Variants in CNIH3 observed in about 807,000 individuals in gnomAD.
The protein encoded by CNIH3 is cornichon family AMPA receptor auxiliary protein 3, also known as protein cornichon homolog 3.
In CNIH3, 14 loss-of-function variants were observed where a neutral mutation model predicts 24.1. The observed-to-expected ratio is 0.58, with a 90% CI of 0.38 to 0.91. The LOEUF (loss-of-function observed/expected upper bound fraction) is 0.91. Among genes scored for constraint, CNIH3 ranks in the 40% least tolerant of loss-of-function variants. CNIH3 has a pLI of 0.00. For missense variants in CNIH3, 178 were observed against 196.8 expected, an observed-to-expected ratio of 0.90 and a Z score of 0.57; for synonymous variants, 68 against 73.8, an observed-to-expected ratio of 0.92 and a Z score of 0.40.
intron 1 of CNIH3, among the ~76,000 whole-genome samples, chr1:224,503,112 AC>A (rs2124875703): frequency 6.6e-6 from 1 of 152,210 alleles, no homozygotes; most frequent in East Asian, 1.9e-4. Flanking sequence ...TGAAGTCACC[AC>A]CTTTTTGGGA....
chr1:224,597,371 C>T (rs538926318), intron 3 of CNIH3, among the ~76,000 whole-genome samples: 20 of 152,248 alleles, frequency 1.3e-4, no homozygotes, highest in South Asian at 2.1e-4. Flanking sequence ...CAGAAGGGGT[C>T]CCAAACCCTG....
intron 3 of CNIH3, among the ~76,000 whole-genome samples, chr1:224,694,080 G>T (rs1022799775): frequency 1.3e-5 from 2 of 152,254 alleles, no homozygotes; most frequent in African/African-American, 4.8e-5. Flanking sequence ...TGGATCTGTG[G>T]AGGAGGAGAG....
At chr1:224,727,278 AAAC>A (rs145451304) in intron 3 of CNIH3, among the ~76,000 whole-genome samples, 1,788 of 152,152 alleles carry the variant, frequency 0.012, 13 homozygotes, top group South Asian at 0.03. Context: ...TGCTATGGCA[AAAC>A]AACAACAACA....
downstream of CNIH3, among the ~76,000 whole-genome samples, chr1:224,538,560 A>G (rs1387510959): frequency 6.6e-6 from 1 of 151,736 alleles, no homozygotes; most frequent in Non-Finnish European, 1.5e-5. Context: ...CCAGTACCCC[A>G]TCCTTTAGCT....
At chr1:224,571,590 T>C (rs1680820325) in intron 4 of CNIH3, among the ~76,000 whole-genome samples, 1 of 152,078 alleles carries the variant, frequency 6.6e-6, no homozygotes, top group Non-Finnish European at 1.5e-5. Context: ...CCGGGCATGG[T>C]GCTGGGCGCC....
intron 3 of CNIH3, among the ~76,000 whole-genome samples, chr1:224,728,256 T>C (rs1471641200): frequency 6.6e-6 from 1 of 152,232 alleles, no homozygotes; most frequent in Non-Finnish European, 1.5e-5. Flanking sequence ...CTCCCGGGGC[T>C]GGCGCACCCA....
rs778355342 is a variant in CNIH3, at chr1:224,481,349, G to T, written n.204-34392G>T. 1.6e-4 allele frequency among the ~76,000 whole-genome samples: 25 copies of T among 152,292 alleles called. 1 individual carries two copies. The highest frequency in any genetic ancestry group is 3.2e-4 in the Non-Finnish European group (22 of 68,026). ...CACTGAAGAGTTAGCTATTTATTGT[G>T]ATCTTTGCAGTCTGGGCTTGTTTGT... is the stretch of plus-strand genomic sequence containing the variant. On this transcript the variant is annotated intron_variant and non_coding_transcript_variant, in intron 1 of 5. Coordinates refer to the CNIH3 transcript ENST00000471578.
In CNIH3 at chr1:224,739,543, G is replaced by A; in HGVS notation, c.*187G>A. On this transcript the variant is annotated 3_prime_UTR_variant, in exon 6 of 6. Coordinates refer to ENST00000272133, the MANE Select transcript of CNIH3 (RefSeq NM_152495.2). ...GGAGCCGAGTTAACCCTGCGTGTCTGTGTCACCCTGTTTGTCAATCTTTGG... is the reference window on the plus strand; with the variant it reads ...GGAGCCGAGTTAACCCTGCGTGTCTATGTCACCCTGTTTGTCAATCTTTGG... 1 of 1,048,766 alleles carries A rather than the reference G, an allele frequency of 9.5e-7. No homozygotes were observed. Among genetic ancestry groups the A allele is most frequent in the Non-Finnish European group, 1.4e-6 (1 of 731,932 alleles). The allele number at this position is 1,048,766 out of a possible 1,614,324, so 65.0% of individuals were successfully genotyped here. A position where few individuals can be genotyped will look rare whatever the true frequency, so the allele number is the denominator to read the frequency against.
In CNIH3 at chr1:224,524,117, A is replaced by T. The variant is rs141678500; in HGVS notation, n.343+2790A>T. ...AGGGCCTCTGGTCAGCCCAAGGTAA[A>T]CCCCTGCTCCCAAATCTGCACCATC... On this transcript the variant is annotated intron_variant and non_coding_transcript_variant, in intron 2 of 2. Coordinates refer to the CNIH3 transcript ENST00000470602. Among the ~76,000 whole-genome samples, 763 of 152,256 alleles carry T rather than the reference A, an allele frequency of 5.0e-3. 10 individuals carry two copies. The highest frequency in any genetic ancestry group is 0.016 in the African/African-American group (678 of 41,536).
rs189258309 is a variant in CNIH3 at position 224,719,976 on chromosome 1, G to A, written c.199-10486G>A. On this transcript the variant is annotated intron_variant, in intron 3 of 5. Transcript: ENST00000272133. ...GAATTCAGACAACCCCCTCTGCCTG[G>A]GCCACAGGGAGGGAGGGCTGTGTCC... Among the ~76,000 whole-genome samples, 458 of 152,278 alleles carry A rather than the reference G, an allele frequency of 3.0e-3. 2 individuals carry two copies. The highest frequency in any genetic ancestry group is 0.024 in the South Asian group (114 of 4,820).
At chr1:224,454,557 C>G (rs1016045894) in intron 1 of CNIH3, among the ~76,000 whole-genome samples, 21 of 152,154 alleles carry the variant, frequency 1.4e-4, no homozygotes, top group African/African-American at 4.8e-4. Context: ...GCCTCAGAAG[C>G]TGCGTGGCTG....
chr1:224,672,419 C>T (rs1223301124), intron 1 of CNIH3, among the ~76,000 whole-genome samples: 2 of 152,154 alleles, frequency 1.3e-5, no homozygotes, highest in African/African-American at 2.4e-5. Context: ...AACAAATTAC[C>T]ACCAGGTGGG....
intron 1 of CNIH3, among the ~76,000 whole-genome samples, chr1:224,474,305 G>A (rs892147234): frequency 2.6e-5 from 4 of 151,636 alleles, no homozygotes; most frequent in African/African-American, 9.7e-5. Context: ...CAGAGGTTGC[G>A]GTGAGCCGAG....
At chr1:224,632,246 C>T (rs1056363322) in intron 1 of CNIH3, among the ~76,000 whole-genome samples, 1 of 152,186 alleles carries the variant, frequency 6.6e-6, no homozygotes. Context: ...ATCCGGGCCT[C>T]TATGTCTCCC....
At chr1:224,694,437 A>G (rs1324347569) in intron 3 of CNIH3, among the ~76,000 whole-genome samples, 1 of 152,188 alleles carries the variant, frequency 6.6e-6, no homozygotes, top group Admixed American at 6.5e-5. Flanking sequence ...ATCTGGATTG[A>G]TGATTAAACA....
At chr1:224,589,797 C>T (rs1000404480), downstream of CNIH3, among the ~76,000 whole-genome samples, 1 of 152,180 alleles carries the variant, frequency 6.6e-6, no homozygotes, top group Non-Finnish European at 1.5e-5. Flanking sequence ...AGGGGGTTTT[C>T]CAGCTCCTCT....
At chr1:224,664,896 G>A (rs1685523987) in intron 1 of CNIH3, 1 of 152,056 alleles carries the variant, frequency 6.6e-6, no homozygotes, top group Non-Finnish European at 1.5e-5. Flanking sequence ...CACCTCCCCT[G>A]GCTATTCTGG....
At chr1:224,724,946 C>A (rs927608202) in intron 3 of CNIH3, among the ~76,000 whole-genome samples, 1 of 152,184 alleles carries the variant, frequency 6.6e-6, no homozygotes, top group Non-Finnish European at 1.5e-5. Flanking sequence ...CATGGTGGCT[C>A]ATGCCTGCAA....
At chr1:224,707,753 G>A (rs928358534) in intron 3 of CNIH3, among the ~76,000 whole-genome samples, 1 of 152,164 alleles carries the variant, frequency 6.6e-6, no homozygotes, top group African/African-American at 2.4e-5. Context: ...CGAGAACCCC[G>A]GCTGTCAAGT....
Sources: gnomAD v4.1 joint callset for allele counts (sites outside exome capture counted in the v4.1 genomes callset) on GRCh38, gnomAD v4.1.1 for gene constraint, MANE v1.5 for transcripts, NCBI Gene and HGNC (gene_info 2026-07-23, HGNC 2026-07-21) for gene names.